VAV3: variants seen among roughly 807,000 people sequenced by gnomAD.
VAV3 encodes the protein guanine nucleotide exchange factor VAV3.
VAV3 carries 94 observed loss-of-function variants against 131.2 expected under a neutral mutation model. That is an observed-to-expected ratio of 0.72 (90% confidence interval 0.61 to 0.85). The LOEUF is 0.85. VAV3 is among the 40% of genes least tolerant of loss of function. VAV3 has a pLI of 0.00. For synonymous variants in VAV3, 349 were observed against 342.0 expected, an observed-to-expected ratio of 1.02 and a Z score of -0.22; for missense variants, 939 against 1,002.7, an observed-to-expected ratio of 0.94 and a Z score of 0.86.
chr1:107,903,261 G>A (rs1671956390), intron 1 of VAV3, among the ~76,000 whole-genome samples: 1 of 152,146 alleles, frequency 6.6e-6, no homozygotes, highest in Non-Finnish European at 1.5e-5. Context: ...TCAGAGAGCA[G>A]GAAGCTTCTG....
chr1:107,657,844 G>A (rs527334131), intron 19 of VAV3, among the ~76,000 whole-genome samples: 1 of 152,288 alleles, frequency 6.6e-6, no homozygotes, highest in South Asian at 2.1e-4. Context: ...CTTCACTGGT[G>A]TTGTTAAAAA....
At chr1:107,804,886 A>G (rs975282042) in intron 2 of VAV3, among the ~76,000 whole-genome samples, 1 of 149,042 alleles carries the variant, frequency 6.7e-6, no homozygotes, top group Admixed American at 6.7e-5. Context: ...TCTGGCAAAG[A>G]TTATCTCTCT....
chr1:107,789,255 C>T (rs149822952), intron 2 of VAV3, among the ~76,000 whole-genome samples: 2 of 152,192 alleles, frequency 1.3e-5, no homozygotes, highest in Admixed American at 1.3e-4. Flanking sequence ...CAAAGTCACA[C>T]AACTCACTGG....
intron 1 of VAV3, among the ~76,000 whole-genome samples, chr1:107,892,646 TCTATATATAAAGA>T (rs981832150): frequency 1.3e-5 from 2 of 151,962 alleles, no homozygotes; most frequent in Non-Finnish European, 2.9e-5. Flanking sequence ...CTCCTCTCTA[TCTATATATAAAGA>T]CTACAATAAA....
chr1:107,671,746 G>C (rs1657811008), intron 19 of VAV3, among the ~76,000 whole-genome samples: 1 of 149,756 alleles, frequency 6.7e-6, no homozygotes, highest in Non-Finnish European at 1.5e-5. Context: ...AAAATCCTTG[G>C]GGAAGTTAGG....
chr1:107,633,959 C>A (rs1481680366), intron 20 of VAV3, among the ~76,000 whole-genome samples: 1 of 152,016 alleles, frequency 6.6e-6, no homozygotes, highest in Non-Finnish European at 1.5e-5. Flanking sequence ...CCTTATCACC[C>A]ATAGCATTAT....
At chr1:107,934,955 T>A (rs945211737) in intron 1 of VAV3, among the ~76,000 whole-genome samples, 1 of 152,234 alleles carries the variant, frequency 6.6e-6, no homozygotes, top group East Asian at 1.9e-4. Context: ...TGGTAGTACA[T>A]GAACCCATCA....
chr1:107,611,609 C>CAAAAAAAAAAAAA (rs1324755005), intron 21 of VAV3, among the ~76,000 whole-genome samples: 1 of 111,310 alleles, frequency 9.0e-6, no homozygotes, highest in African/African-American at 3.2e-5. Flanking sequence ...AAAAAAAAAA[C>CAAAAAAAAAAAAA]AAACAAACAA....
chr1:107,614,782 T>C (rs1228640874), intron 21 of VAV3, among the ~76,000 whole-genome samples: 1 of 152,142 alleles, frequency 6.6e-6, no homozygotes, highest in African/African-American at 2.4e-5. Context: ...AATGCCTACT[T>C]TGTGCGAGAC....
intron 1 of VAV3, among the ~76,000 whole-genome samples, chr1:107,953,949 T>C (rs1487865560): frequency 6.6e-6 from 1 of 152,210 alleles, no homozygotes; most frequent in Non-Finnish European, 1.5e-5. Flanking sequence ...ACACTTCTTG[T>C]AACACAGATT....
intron 19 of VAV3, among the ~76,000 whole-genome samples, chr1:107,663,692 G>A (rs1347377231): frequency 6.6e-6 from 1 of 152,170 alleles, no homozygotes; most frequent in Non-Finnish European, 1.5e-5. Context: ...TGATTGCCTT[G>A]ACTTTCGGTA....
intron 1 of VAV3, among the ~76,000 whole-genome samples, chr1:107,915,534 G>T (rs1052858182): frequency 2.6e-5 from 4 of 152,240 alleles, no homozygotes; most frequent in Non-Finnish European, 4.4e-5. Flanking sequence ...GTTCCTCGAT[G>T]TCCTCATCTA....
At chr1:107,693,627 TTAATAA>T (rs1368226209) in intron 17 of VAV3, among the ~76,000 whole-genome samples, 1 of 152,198 alleles carries the variant, frequency 6.6e-6, no homozygotes, top group Non-Finnish European at 1.5e-5. Context: ...CTTCAAATGC[TTAATAA>T]TATTTAGCCA....
At chr1:107,925,892 C>CATGTATGAT (rs1553231878) in intron 1 of VAV3, among the ~76,000 whole-genome samples, 1 of 49,240 alleles carries the variant, frequency 2.0e-5, no homozygotes, top group Non-Finnish European at 4.3e-5. Context: ...AAATATATAA[C>CATGTATGAT]ATATATGATA....
At chr1:107,763,577 T>C (rs1183763600) in intron 9 of VAV3, among the ~76,000 whole-genome samples, 1 of 152,196 alleles carries the variant, frequency 6.6e-6, no homozygotes, top group South Asian at 2.1e-4. Flanking sequence ...GCTCTACACT[T>C]AGGAGGCTCT....
intron 2 of VAV3, among the ~76,000 whole-genome samples, chr1:107,853,736 G>A (rs1002176924): frequency 6.6e-6 from 1 of 152,092 alleles, no homozygotes; most frequent in Non-Finnish European, 1.5e-5. Flanking sequence ...ATCAATGAAG[G>A]TTATCCAACA....
intron 2 of VAV3, among the ~76,000 whole-genome samples, chr1:107,863,203 T>C (rs967558592): frequency 2.0e-5 from 3 of 152,118 alleles, no homozygotes; most frequent in African/African-American, 7.2e-5. Context: ...AGGCTCACTA[T>C]TCTCTCTTCT....
At chr1:107,767,582 C>A (rs1198576776) in intron 7 of VAV3, among the ~76,000 whole-genome samples, 1 of 152,192 alleles carries the variant, frequency 6.6e-6, no homozygotes, top group Non-Finnish European at 1.5e-5. Flanking sequence ...GGATGACATG[C>A]CATTGCTTAC....
intron 2 of VAV3, among the ~76,000 whole-genome samples, chr1:107,848,725 G>A (rs1176336402): frequency 6.6e-6 from 1 of 152,158 alleles, no homozygotes; most frequent in Non-Finnish European, 1.5e-5. Flanking sequence ...CCTGGACAGG[G>A]CAATCAGGAA....
Sources: gnomAD v4.1 joint callset for allele counts (sites outside exome capture counted in the v4.1 genomes callset) on GRCh38, gnomAD v4.1.1 for gene constraint, MANE v1.5 for transcripts, NCBI Gene and HGNC (gene_info 2026-07-23, HGNC 2026-07-21) for gene names.